Variants in MED27 observed in about 807,000 individuals in gnomAD.
MED27 encodes mediator of RNA polymerase II transcription subunit 27.
In MED27, 30 loss-of-function variants were observed where a neutral mutation model predicts 38.2. The ratio of observed to expected loss-of-function variants is 0.79; its 90% CI spans 0.59 to 1.07. The LOEUF is 1.07. Among genes scored for constraint, MED27 ranks in the 50% least tolerant of loss-of-function variants. The pLI is 0.00. For synonymous variants in MED27, 122 were observed against 153.5 expected (o/e 0.79, Z 1.52); for missense variants, 289 against 397.5 (o/e 0.73, Z 2.32).
At chr9:132,068,230 T>C (rs2131160700) in intron 2 of MED27, among the ~76,000 whole-genome samples, 2 of 152,108 alleles carry the variant, frequency 1.3e-5, no homozygotes, top group East Asian at 3.9e-4. Context: ...TCATCCTCAC[T>C]GCTACCCTAA....
At chr9:131,931,047 T>A (rs1830576821) in intron 4 of MED27, among the ~76,000 whole-genome samples, 1 of 151,978 alleles carries the variant, frequency 6.6e-6, no homozygotes, top group Non-Finnish European at 1.5e-5. Context: ...GAGTTCAAGA[T>A]CAGCCTGGGT....
chr9:131,893,080 C>G (rs1241915479), intron 5 of MED27, among the ~76,000 whole-genome samples: 1 of 152,212 alleles, frequency 6.6e-6, no homozygotes, highest in Non-Finnish European at 1.5e-5. Context: ...ACATTCTATT[C>G]TCATTATAAT....
chr9:132,035,775 C>T (rs918137905), intron 2 of MED27, among the ~76,000 whole-genome samples: 3 of 152,118 alleles, frequency 2.0e-5, no homozygotes, highest in African/African-American at 7.2e-5. Flanking sequence ...CCAGCCTAGG[C>T]AACATAGCAA....
chr9:132,047,506 T>C (rs1236391814), intron 2 of MED27, among the ~76,000 whole-genome samples: 1 of 151,236 alleles, frequency 6.6e-6, no homozygotes, highest in Non-Finnish European at 1.5e-5. Context: ...TGTATAGTGG[T>C]TCAAATGGTG....
chr9:132,019,658 A>G (rs1832677978), intron 2 of MED27, among the ~76,000 whole-genome samples: 1 of 152,252 alleles, frequency 6.6e-6, no homozygotes, highest in Non-Finnish European at 1.5e-5. Flanking sequence ...CCAGCCTTAA[A>G]GAGGTCACTG....
At chr9:132,017,038 T>C (rs1360121022) in intron 2 of MED27, among the ~76,000 whole-genome samples, 1 of 152,200 alleles carries the variant, frequency 6.6e-6, no homozygotes, top group Non-Finnish European at 1.5e-5. Context: ...TCATAAGGAT[T>C]AAGCAGCACT....
In MED27 at chr9:131,863,159, G is replaced by C. The variant is rs1564257779; in HGVS notation, c.724-19C>G. 1 of 1,612,186 alleles carries C rather than the reference G, an allele frequency of 6.2e-7. No homozygotes were observed. Among genetic ancestry groups the C allele is most frequent in the South Asian group, 1.1e-5 (1 of 90,982 alleles). ...CTGTCACCTGAGAGTGAAGGACAAA[G>C]ACGAGTTAGCGGCCACTCCAAGCTG... is the stretch of plus-strand genomic sequence containing the variant. On this transcript the variant is annotated intron_variant, in intron 6 of 7. Transcript: ENST00000292035.
At chr9:131,929,629 A>G (rs1409544646) in intron 4 of MED27, among the ~76,000 whole-genome samples, 1 of 152,010 alleles carries the variant, frequency 6.6e-6, no homozygotes, top group Non-Finnish European at 1.5e-5. Context: ...GCCTGGCAGA[A>G]CTCCCCACGG....
chr9:132,079,208 C>A (rs1834120015), intron 1 of MED27, among the ~76,000 whole-genome samples: 1 of 151,976 alleles, frequency 6.6e-6, no homozygotes, highest in African/African-American at 2.4e-5. Flanking sequence ...AGTTCAGGGC[C>A]GGGGAATTGG....
chr9:131,941,641 A>C (rs751702355), intron 3 of MED27, among the ~76,000 whole-genome samples: 1 of 152,032 alleles, frequency 6.6e-6, no homozygotes, highest in Non-Finnish European at 1.5e-5. Context: ...CGGAGAAAAG[A>C]AGGCCAAGGG....
At chr9:132,053,795 C>T (rs892826530) in intron 2 of MED27, among the ~76,000 whole-genome samples, 3 of 152,072 alleles carry the variant, frequency 2.0e-5, no homozygotes, top group Non-Finnish European at 1.5e-5. Flanking sequence ...TTCCCCAAAG[C>T]GTGGAGTGTA....
chr9:131,872,202 C>T lies in MED27; in HGVS notation c.724-9062G>A, dbSNP rs774315336. Among the ~76,000 whole-genome samples, 3 of 152,184 alleles carry T rather than the reference C, an allele frequency of 2.0e-5. No homozygotes were observed. Among genetic ancestry groups the T allele is most frequent in the Non-Finnish European group, 4.4e-5 (3 of 68,032 alleles). ...TGATTTTGGGTGCAGGTTCAAGGGC[C>T]GCTGCGGGCCACTGCCTGCTTCCCA... On this transcript the variant is annotated intron_variant, in intron 6 of 7. Transcript: ENST00000292035. This position sits in a 1 kb window ranked among gnomAD's most constrained non-coding sequence, Gnocchi z 5.6.
rs915273923 is a variant in MED27 at position 131,862,381 on chromosome 9, G to A, written c.801+682C>T. On this transcript the variant is annotated intron_variant, in intron 7 of 7. Coordinates refer to ENST00000292035, the MANE Select transcript of MED27 (RefSeq NM_004269.4). This position sits in a 1 kb window ranked among gnomAD's most constrained non-coding sequence, Gnocchi z 4.6. Reference sequence around the variant, plus strand: ...ATGCTGGCGTGAGAGCATGACGGTGGAACAGCTGGCGGCTACGTCTGTCAA... The same window carrying A: ...ATGCTGGCGTGAGAGCATGACGGTGAAACAGCTGGCGGCTACGTCTGTCAA... Among the ~76,000 whole-genome samples, 3 of 152,182 alleles carry A rather than the reference G, an allele frequency of 2.0e-5. No individual in the cohort carries two copies. The highest frequency in any genetic ancestry group is 2.4e-5 in the African/African-American group (1 of 41,434).
At chr9:132,025,184 T>A (rs1832792316) in intron 2 of MED27, among the ~76,000 whole-genome samples, 1 of 4,950 alleles carries the variant, frequency 2.0e-4, no homozygotes, top group African/African-American at 3.9e-4. Context: ...TAGAGTGAAT[T>A]TTTTTTTTTT....
chr9:131,894,928 C>T lies in MED27; in HGVS notation c.574-936G>A, dbSNP rs561048530. On this transcript the variant is annotated intron_variant, in intron 4 of 7. Coordinates refer to ENST00000292035, the MANE Select transcript of MED27 (RefSeq NM_004269.4). ...TCTGGCAAGACTGGATCAGCTCCCTCGAGAGTGGCTTGTTATAAAGCCAGG... is the reference window on the plus strand; with the variant it reads ...TCTGGCAAGACTGGATCAGCTCCCTTGAGAGTGGCTTGTTATAAAGCCAGG... Among the ~76,000 whole-genome samples, 14 of 152,244 alleles carry T rather than the reference C, an allele frequency of 9.2e-5. No homozygotes were observed. In the East Asian group the frequency reaches 2.3e-3, roughly 25 times the overall value.
intron 3 of MED27, among the ~76,000 whole-genome samples, chr9:131,948,851 A>C (rs962766047): frequency 6.6e-6 from 1 of 152,186 alleles, no homozygotes; most frequent in Non-Finnish European, 1.5e-5. Context: ...TCTCCTTAGT[A>C]GCTCTTGAAT....
At chr9:131,868,824 GACGCCA>G (rs1838779095) in intron 6 of MED27, 1 of 985,340 alleles carries the variant, frequency 1.0e-6, no homozygotes, top group Admixed American at 6.1e-5. Context: ...CTACAGTTCC[GACGCCA>G]GGCACAGGCT....
intron 3 of MED27, among the ~76,000 whole-genome samples, chr9:132,004,435 C>T (rs537084505): frequency 6.6e-6 from 1 of 152,306 alleles, no homozygotes; most frequent in African/African-American, 2.4e-5. Flanking sequence ...TTACAAAGGA[C>T]TATCTTATTT....
At chr9:131,986,518 T>A (rs1369031015) in intron 3 of MED27, among the ~76,000 whole-genome samples, 1 of 152,158 alleles carries the variant, frequency 6.6e-6, no homozygotes, top group East Asian at 1.9e-4. Flanking sequence ...ATTTTTACTA[T>A]ACATTTACTA....
Sources: gnomAD v4.1 joint callset for allele counts (sites outside exome capture counted in the v4.1 genomes callset) on GRCh38, gnomAD v4.1.1 for gene constraint, Gnocchi (gnomAD v3.1) non-coding constraint, MANE v1.5 for transcripts, NCBI Gene and HGNC (gene_info 2026-07-23, HGNC 2026-07-21) for gene names.